Variants in GLRA2 observed in about 807,000 individuals in gnomAD.
GLRA2 encodes glycine receptor alpha 2.
In GLRA2, 11 loss-of-function variants were observed where a neutral mutation model predicts 31.6. That is an observed-to-expected ratio of 0.35 (90% CI 0.22 to 0.58). The LOEUF is 0.58. Among genes scored for constraint, GLRA2 ranks in the 20% least tolerant of loss-of-function variants. The pLI, the probability that GLRA2 is intolerant of heterozygous loss-of-function variation, is 0.84. For synonymous variants in GLRA2, 132 were observed against 134.0 expected (o/e 0.99, Z 0.10); for missense variants, 212 against 351.8 (o/e 0.60, Z 3.18).
the GLRA2 span, among the ~76,000 whole-genome samples, chrX:14,491,201 T>C: frequency 8.9e-6 from 1 of 112,201 alleles, no homozygotes; most frequent in African/African-American, 3.2e-5. Flanking sequence ...AACAATAAGC[T>C]TTTTCATTTA....
the GLRA2 span, among the ~76,000 whole-genome samples, chrX:14,495,118 A>C: frequency 9.0e-6 from 1 of 111,691 alleles, no homozygotes; most frequent in East Asian, 2.8e-4. Context: ...AGCCAAGGCA[A>C]ACTTGTCACC....
Position 14,730,845 on chromosome X carries a change from T to C in GLRA2, c.*360T>C, listed in dbSNP as rs993117698. ...AGGGCTGTTTGCCTTTTGGTCCTTTTGGTTTGGTTTGGCTTTGACTAATTC... is the reference window on the plus strand; with the variant it reads ...AGGGCTGTTTGCCTTTTGGTCCTTTCGGTTTGGTTTGGCTTTGACTAATTC... On this transcript the variant is annotated 3_prime_UTR_variant, in exon 9 of 9. Transcript: ENST00000218075. 1 of 181,374 alleles carries C rather than the reference T, an allele frequency of 5.5e-6. No individual in the cohort carries two copies. The highest frequency in any genetic ancestry group is 1.0e-5 in the Non-Finnish European group (1 of 98,096). 14.9% of individuals were successfully genotyped at this position (181,374 alleles called of 1,213,427 possible).
chrX:14,643,114 A>C (rs1160164403), intron 7 of GLRA2, among the ~76,000 whole-genome samples: 1 of 112,108 alleles, frequency 8.9e-6, no homozygotes, highest in Admixed American at 9.5e-5. Flanking sequence ...CCTGGATGAC[A>C]GCGATCAGGG....
intron 7 of GLRA2, among the ~76,000 whole-genome samples, chrX:14,654,354 A>G (rs2090919753): frequency 8.9e-6 from 1 of 111,954 alleles, no homozygotes; most frequent in Non-Finnish European, 1.9e-5. Context: ...ACATAATGTT[A>G]TTACATTGTG....
chrX:14,485,523 A>G, the GLRA2 span, among the ~76,000 whole-genome samples: 1 of 112,087 alleles, frequency 8.9e-6, no homozygotes, highest in Non-Finnish European at 1.9e-5. Flanking sequence ...AGACTTATGC[A>G]TAGTGAACTG....
the GLRA2 span, among the ~76,000 whole-genome samples, chrX:14,515,006 TTTC>T: frequency 9.0e-6 from 1 of 111,672 alleles, no homozygotes; most frequent in Non-Finnish European, 1.9e-5. Context: ...TGAGAGCATT[TTTC>T]TTCTTCCTGA....
chrX:14,530,645 A>G (rs1260437063), intron 1 of GLRA2, among the ~76,000 whole-genome samples: 1 of 112,021 alleles, frequency 8.9e-6, no homozygotes, highest in Non-Finnish European at 1.9e-5. Flanking sequence ...TTTTACTACT[A>G]TATTCTACTA....
intron 2 of GLRA2, among the ~76,000 whole-genome samples, chrX:14,533,204 G>T (rs1305621568): frequency 9.1e-6 from 1 of 110,008 alleles, no homozygotes; most frequent in Non-Finnish European, 1.9e-5. Flanking sequence ...TTAACATAAT[G>T]CATTGTGAAG....
the GLRA2 span, among the ~76,000 whole-genome samples, chrX:14,496,811 G>C: frequency 9.0e-6 from 1 of 111,634 alleles, no homozygotes; most frequent in Non-Finnish European, 1.9e-5. Flanking sequence ...AGACCTGCTG[G>C]TTCCCCAGCT....
At chrX:14,557,179 G>C (rs1289710245) in intron 2 of GLRA2, among the ~76,000 whole-genome samples, 1 of 83,304 alleles carries the variant, frequency 1.2e-5, no homozygotes, top group African/African-American at 5.0e-5. Flanking sequence ...GCAGTGGCGC[G>C]ATCTCGGCTC....
the GLRA2 span, among the ~76,000 whole-genome samples, chrX:14,460,602 C>G: frequency 1.6e-4 from 18 of 111,654 alleles, no homozygotes; most frequent in Non-Finnish European, 3.0e-4. Context: ...TGTATGTGCC[C>G]AGGAATTTAT....
intron 7 of GLRA2, among the ~76,000 whole-genome samples, chrX:14,635,172 G>T (rs1477826707): frequency 9.0e-6 from 1 of 111,710 alleles, no homozygotes; most frequent in East Asian, 2.8e-4. Flanking sequence ...AGAGAGGAAA[G>T]CTGCTAATAA....
the GLRA2 span, among the ~76,000 whole-genome samples, chrX:14,493,710 TGTATAC>T: frequency 3.0e-5 from 3 of 98,438 alleles, no homozygotes; most frequent in African/African-American, 1.2e-4. Flanking sequence ...TGTATACACA[TGTATAC>T]ATATATACGT....
At chrX:14,524,847 T>A (rs1410235761), upstream of GLRA2, among the ~76,000 whole-genome samples, 1 of 110,608 alleles carries the variant, frequency 9.0e-6, no homozygotes, top group Non-Finnish European at 1.9e-5. Context: ...GGGCATATAG[T>A]AGGCTTTCAG....
At chrX:14,653,733 GT>G in intron 7 of GLRA2, among the ~76,000 whole-genome samples, 1 of 112,660 alleles carries the variant, frequency 8.9e-6, no homozygotes, top group Admixed American at 9.4e-5. Flanking sequence ...AAGTTCCACT[GT>G]GGGTAAAATG....
At chrX:14,604,543 AGTGTGTGTGTGTGTGTGTGTGTGT>A (rs377121617) in intron 5 of GLRA2, 146 bp downstream of exon 5, 8 of 161,444 alleles carry the variant, frequency 5.0e-5, no homozygotes, top group Middle Eastern at 1.5e-3. Context: ...GACAAACCAA[AGTGTGTGTGTGTGTGTGTGTGTGT>A]GTGTGTGTGT....
intron 8 of GLRA2, among the ~76,000 whole-genome samples, chrX:14,699,579 C>A (rs183039140): frequency 2.3e-4 from 26 of 111,666 alleles, no homozygotes; most frequent in African/African-American, 8.5e-4. Context: ...ATTTCTTCAC[C>A]AAATCATCTC....
At chrX:14,463,972 G>T in the GLRA2 span, among the ~76,000 whole-genome samples, 1 of 111,891 alleles carries the variant, frequency 8.9e-6, no homozygotes, top group Non-Finnish European at 1.9e-5. Context: ...GGGAGCTGTA[G>T]ACCAGAGCTG....
chrX:14,692,894 T>G (rs1281531421), intron 8 of GLRA2, among the ~76,000 whole-genome samples: 2 of 111,557 alleles, frequency 1.8e-5, no homozygotes, highest in Non-Finnish European at 3.8e-5. Flanking sequence ...TAAAGACTAA[T>G]TTTTAAAAAA....
Sources: allele counts gnomAD v4.1 joint callset (sites outside exome capture counted in the v4.1 genomes callset), GRCh38; gene constraint gnomAD v4.1.1; transcripts MANE v1.5; gene names NCBI Gene and HGNC (gene_info 2026-07-23, HGNC 2026-07-21).